MED14: variants seen among roughly 807,000 people sequenced by gnomAD.
The protein encoded by MED14 is mediator of RNA polymerase II transcription subunit 14.
In MED14, 8 loss-of-function variants were observed where a neutral mutation model predicts 109.0. The observed-to-expected ratio is 0.07, with a 90% CI of 0.04 to 0.13. The LOEUF is 0.13. MED14 is among the 10% of genes least tolerant of loss of function. The pLI is 1.00. For synonymous variants in MED14, 399 were observed against 408.7 expected (o/e 0.98, Z 0.29); for missense variants, 711 against 1,142.4 (o/e 0.62, Z 5.44).
chrX:40,685,266 T>C (rs766385412), intron 16 of MED14, among the ~76,000 whole-genome samples: 101 of 112,213 alleles, frequency 9.0e-4, no homozygotes, highest in South Asian at 7.3e-3. Context: ...TTTTAAGGTC[T>C]GGCAGATGTG....
chrX:40,691,740 T>C (rs1285281341), intron 15 of MED14, among the ~76,000 whole-genome samples: 2 of 106,431 alleles, frequency 1.9e-5, no homozygotes, highest in Non-Finnish European at 3.9e-5. Flanking sequence ...GCCTCCCAAG[T>C]AGCTGGGATT....
intron 3 of MED14, among the ~76,000 whole-genome samples, chrX:40,719,898 G>A: frequency 8.9e-6 from 1 of 111,953 alleles, no homozygotes; most frequent in Middle Eastern, 4.6e-3. Context: ...TTTACCATTA[G>A]TCAGAGTTCC....
chrX:40,701,103 G>A, intron 12 of MED14, 62 bp downstream of exon 12: 1 of 849,760 alleles, frequency 1.2e-6, no homozygotes, highest in Non-Finnish European at 1.7e-6. Context: ...TGATGGAGAA[G>A]AAAACATATC....
At chrX:40,735,871 G>A (rs1479716218), upstream of MED14, 2 of 281,811 alleles carry the variant, frequency 7.1e-6, no homozygotes, top group Non-Finnish European at 1.4e-5. Context: ...TGAGCGCGCG[G>A]GAGAGCGGAA....
intron 10 of MED14, among the ~76,000 whole-genome samples, chrX:40,707,354 T>C (rs1431095594): frequency 8.9e-6 from 1 of 112,065 alleles, no homozygotes; most frequent in Non-Finnish European, 1.9e-5. Flanking sequence ...CTTCCCACAT[T>C]GCTGGTTAGA....
At chrX:40,656,653 G>A (rs1413109766) in intron 28 of MED14, among the ~76,000 whole-genome samples, 1 of 111,920 alleles carries the variant, frequency 8.9e-6, no homozygotes, top group Admixed American at 9.5e-5. Flanking sequence ...AAACCAAAAT[G>A]GCCAACAAGT....
chrX:40,700,693 T>A (rs1172010152), intron 12 of MED14, among the ~76,000 whole-genome samples: 1 of 111,671 alleles, frequency 9.0e-6, no homozygotes, highest in African/African-American at 3.3e-5. Flanking sequence ...AGCTCCATTT[T>A]CAATTTTATT....
intron 10 of MED14, among the ~76,000 whole-genome samples, chrX:40,708,374 T>C (rs760570911): frequency 1.3e-4 from 15 of 112,032 alleles, no homozygotes; most frequent in Non-Finnish European, 2.3e-4. Context: ...TAACTTTCTG[T>C]CTTTCCTTCA....
intron 21 of MED14, among the ~76,000 whole-genome samples, chrX:40,677,885 C>T (rs753509801): frequency 3.6e-5 from 4 of 112,035 alleles, no homozygotes; most frequent in Non-Finnish European, 5.6e-5. Context: ...ACTCATTACA[C>T]ATCTCAATAG....
At chrX:40,713,690 G>A (rs780997380) in intron 5 of MED14, 88 bp downstream of exon 5, 16 of 1,003,233 alleles carry the variant, frequency 1.6e-5, no homozygotes, top group Non-Finnish European at 2.2e-5. Flanking sequence ...TGATCTGCCT[G>A]CCTCAGTCTC....
At chrX:40,655,105 A>G in intron 28 of MED14, 45 bp from the exon 29 acceptor site, 1 of 1,151,794 alleles carries the variant, frequency 8.7e-7, no homozygotes, top group Admixed American at 2.3e-5. Context: ...ATAAACATTT[A>G]AAATCATATT....
chrX:40,676,774 C>T (rs1347899531), intron 21 of MED14, among the ~76,000 whole-genome samples: 1 of 112,091 alleles, frequency 8.9e-6, no homozygotes, highest in Non-Finnish European at 1.9e-5. Context: ...TCACGCTTCT[C>T]CCCTGCAGCC....
rs192716382 is a variant in MED14, at chrX:40,667,487, C to T, written c.3134-636G>A. Among the ~76,000 whole-genome samples the T allele has an allele frequency of 6.9e-3, 770 of 111,646 alleles. 7 individuals carry two copies. The highest frequency in any genetic ancestry group is 0.023 in the African/African-American group (712 of 30,690). ...TGGAAGCAGTTATCAGGGAGGAAGC[C>T]GGTGTGGCAAGAACAGAGTGAACGA... On this transcript the variant is annotated intron_variant, in intron 23 of 30. Coordinates refer to ENST00000324817, the MANE Select transcript of MED14 (RefSeq NM_004229.4).
intron 11 of MED14, among the ~76,000 whole-genome samples, chrX:40,702,699 G>A (rs893749366): frequency 3.6e-5 from 4 of 111,451 alleles, no homozygotes; most frequent in Non-Finnish European, 5.7e-5. Context: ...GGAACCCACA[G>A]TTAAAGTAAT....
chrX:40,680,968 GA>G (rs972211115), intron 19 of MED14, 58 bp from the exon 20 acceptor site: 1,260 of 726,137 alleles, frequency 1.7e-3, no homozygotes, highest in South Asian at 2.1e-3. Flanking sequence ...TCAAGTAGGA[GA>G]AAAAAAAAAT....
At position 40,697,177 on chromosome X, in the gene MED14, C is replaced by A; in HGVS notation, c.1497G>T (p.Trp499Cys). 8.5e-7 allele frequency: 1 copy of A among 1,174,926 alleles called. No homozygotes were observed. Among genetic ancestry groups the A allele is most frequent in the Non-Finnish European group, 1.2e-6 (1 of 865,058 alleles). ...ACTGCTTGCAACGCTGTTGTCCAAG[C>A]CAAAACCTGAATTTAAAAGTGATAA... ...IIPWIQQLKF[W>C]LGQQRCKQSI... Residue 499 changes from tryptophan to cysteine, a missense_variant, in exon 13 of 31, where the codon TGG (tryptophan) becomes TGT (cysteine). Coordinates refer to ENST00000324817, the MANE Select transcript of MED14 (RefSeq NM_004229.4).
chrX:40,697,132 C>T lies in MED14; in HGVS notation c.1542G>A (p.Thr514=), dbSNP rs867624763. 3.3e-6 allele frequency: 4 copies of T among 1,197,335 alleles called. No individual in the cohort carries two copies. Among genetic ancestry groups the T allele is most frequent in the Middle Eastern group, 2.4e-4 (1 of 4,252 alleles). Residue 514 remains threonine (T), a synonymous_variant, in exon 13 of 31, where the codon ACG becomes ACA. Coordinates refer to ENST00000324817, the MANE Select transcript of MED14 (RefSeq NM_004229.4). Reference sequence around the variant, plus strand: ...AAAGCTGCAATGTTTCACTGCTTATCGTAGGCAGATGTTTTATAGACTGCT... The same window carrying T: ...AAAGCTGCAATGTTTCACTGCTTATTGTAGGCAGATGTTTTATAGACTGCT... ...RCKQSIKHLP[T]ISSETLQLSN...
intron 3 of MED14, 52 bp from the exon 4 acceptor site, chrX:40,714,762 T>A (rs1931455699): frequency 9.6e-7 from 1 of 1,038,138 alleles, no homozygotes; most frequent in Non-Finnish European, 1.3e-6. Flanking sequence ...TATCTCCTTT[T>A]CACACTAAAT....
In MED14 at chrX:40,671,324, T is replaced by C. The variant is rs1021816209; in HGVS notation, c.3133+537A>G. 2.7e-5 allele frequency among the ~76,000 whole-genome samples: 3 copies of C among 112,011 alleles called. No homozygotes were observed. In the Admixed American group the frequency reaches 2.8e-4, roughly 11 times the overall value. ...AAAATTTGGCATTCTCAAGCACTTT[T>C]ACGGTGCACTTCATAGGGCTGCCAA... On this transcript the variant is annotated intron_variant, in intron 23 of 30. Transcript: ENST00000324817.
Sources: allele counts gnomAD v4.1 joint callset (sites outside exome capture counted in the v4.1 genomes callset), GRCh38; gene constraint gnomAD v4.1.1; transcripts MANE v1.5; gene names NCBI Gene and HGNC (gene_info 2026-07-23, HGNC 2026-07-21).